Variants in AK5 observed in about 807,000 individuals in gnomAD.
AK5 encodes the protein adenylate kinase isoenzyme 5.
Under a neutral mutation model 69.5 loss-of-function variants are expected in AK5, and 27 were observed. That is an observed-to-expected ratio of 0.39 (90% CI 0.29 to 0.54). The LOEUF (loss-of-function observed/expected upper bound fraction) is 0.54. Ranked by LOEUF, AK5 falls within the 20% of genes least tolerant of loss-of-function variation. AK5 has a pLI of 0.71. For synonymous variants in AK5, 260 were observed against 244.4 expected, an observed-to-expected ratio of 1.06 and a Z score of -0.60; for missense variants, 531 against 700.4, an observed-to-expected ratio of 0.76 and a Z score of 2.73.
At chr1:77,504,590 GAAATACAA>G (rs1656924514) in intron 10 of AK5, among the ~76,000 whole-genome samples, 1 of 152,030 alleles carries the variant, frequency 6.6e-6, no homozygotes, top group South Asian at 2.1e-4. Flanking sequence ...TAATTCAACC[GAAATACAA>G]AAACAGAAAA....
intron 8 of AK5, among the ~76,000 whole-genome samples, chr1:77,427,646 A>G (rs1330427855): frequency 6.6e-6 from 1 of 152,180 alleles, no homozygotes; most frequent in Non-Finnish European, 1.5e-5. Context: ...CCAACACTAG[A>G]CAAAGACATT....
intron 8 of AK5, among the ~76,000 whole-genome samples, chr1:77,475,157 GT>G (rs535673093): frequency 3.8e-5 from 3 of 78,992 alleles, no homozygotes; most frequent in Admixed American, 3.9e-4. Context: ...AGGAGTATGT[GT>G]GTGTGCATGT....
intron 8 of AK5, among the ~76,000 whole-genome samples, chr1:77,483,109 A>G (rs1557625823): frequency 6.8e-6 from 1 of 148,018 alleles, no homozygotes; most frequent in Non-Finnish European, 1.5e-5. Context: ...TTTAATTCTG[A>G]GCTCTGTCCC....
At chr1:77,403,678 C>G (rs1247084851) in intron 6 of AK5, among the ~76,000 whole-genome samples, 3 of 152,204 alleles carry the variant, frequency 2.0e-5, no homozygotes, top group Non-Finnish European at 2.9e-5. Flanking sequence ...GTACCAGTAC[C>G]ATGCTGTTTT....
chr1:77,470,862 TATATA>T (rs1654452107), intron 8 of AK5, among the ~76,000 whole-genome samples: 1 of 2,654 alleles, frequency 3.8e-4, no homozygotes, highest in African/African-American at 9.0e-4. Context: ...TATATATATA[TATATA>T]TATATATATT....
intron 6 of AK5, among the ~76,000 whole-genome samples, chr1:77,347,555 A>G (rs1661975809): frequency 6.6e-6 from 1 of 152,214 alleles, no homozygotes; most frequent in African/African-American, 2.4e-5. Context: ...ACTAAATTGA[A>G]AAGTGAATCT....
intron 8 of AK5, among the ~76,000 whole-genome samples, chr1:77,480,799 A>G (rs979948473): frequency 1.2e-4 from 18 of 152,230 alleles, no homozygotes; most frequent in African/African-American, 3.9e-4. Flanking sequence ...CTTAAATCCA[A>G]AATTCCCTGA....
intron 6 of AK5, among the ~76,000 whole-genome samples, chr1:77,374,182 A>G (rs553436654): frequency 6.0e-4 from 92 of 152,272 alleles, no homozygotes; most frequent in African/African-American, 2.2e-3. Flanking sequence ...TAGCCTCTTA[A>G]TTTGCACCAT....
chr1:77,499,004 T>G (rs753217013), intron 10 of AK5, among the ~76,000 whole-genome samples: 1 of 152,224 alleles, frequency 6.6e-6, no homozygotes, highest in Non-Finnish European at 1.5e-5. Flanking sequence ...GCCTATATGC[T>G]GCCATTTCCT....
At chr1:77,474,009 G>A (rs755302881) in intron 8 of AK5, among the ~76,000 whole-genome samples, 1 of 152,142 alleles carries the variant, frequency 6.6e-6, no homozygotes, top group Non-Finnish European at 1.5e-5. Context: ...ACAAGCTCAA[G>A]GCAAAGGGGA....
chr1:77,452,521 T>A (rs899780292), intron 8 of AK5, among the ~76,000 whole-genome samples: 9 of 152,254 alleles, frequency 5.9e-5, no homozygotes, highest in African/African-American at 2.2e-4. Flanking sequence ...ACATGACTCA[T>A]GATGCAGAGT....
rs554094766 is a variant in AK5, at chr1:77,423,861, A to G, written c.1059+6146A>G. ...AAAACACTTTGAAATATGCTAAAGCATTCTGCTCCTTAACAAGGCCTGCCC... is the reference window on the plus strand; with the variant it reads ...AAAACACTTTGAAATATGCTAAAGCGTTCTGCTCCTTAACAAGGCCTGCCC... On this transcript the variant is annotated intron_variant, in intron 8 of 13. Coordinates refer to ENST00000354567, the MANE Select transcript of AK5 (RefSeq NM_174858.3). Among the ~76,000 whole-genome samples, 468 of 152,258 alleles carry G rather than the reference A, an allele frequency of 3.1e-3. 1 individual carries two copies. Among genetic ancestry groups the G allele is most frequent in the Non-Finnish European group, 5.7e-3 (391 of 68,014 alleles).
chr1:77,372,728 CA>C (rs1647142665), intron 6 of AK5, among the ~76,000 whole-genome samples: 1 of 151,814 alleles, frequency 6.6e-6, no homozygotes, highest in Admixed American at 6.6e-5. Context: ...TCACAATTTT[CA>C]AACATTTTGG....
At position 77,542,194 on chromosome 1, in the gene AK5, G is replaced by A. The variant is rs138590967; in HGVS notation, c.1620+6156G>A. On this transcript the variant is annotated intron_variant, in intron 13 of 13. Transcript: ENST00000354567. Reference sequence around the variant, plus strand: ...AAAAATTCGCTAGACGTGGTGGTGCGCATATGTAATCCCAGCTACTGAGGA... The same window carrying A: ...AAAAATTCGCTAGACGTGGTGGTGCACATATGTAATCCCAGCTACTGAGGA... Among the ~76,000 whole-genome samples the A allele has an allele frequency of 1.3e-3, 202 of 152,156 alleles. 1 individual carries two copies. The highest frequency in any genetic ancestry group is 4.7e-3 in the African/African-American group (194 of 41,506).
Position 77,324,343 on chromosome 1 carries a change from G to GTGTT in AK5, c.700-16031_700-16030insTTGT, listed in dbSNP as rs1257041908. 3.9e-4 allele frequency among the ~76,000 whole-genome samples: 59 copies of GTGTT among 151,570 alleles called. 1 individual carries two copies. On this transcript the variant is annotated intron_variant, in intron 5 of 13. Transcript: ENST00000354567. ...CGTGTGTGTGTGTGTGTGTGTGTGT[G>GTGTT]TGTGTGTGTGTCTTACTCATGGCTA...
chr1:77,435,360 A>G (rs1272337567), intron 8 of AK5, among the ~76,000 whole-genome samples: 1 of 152,192 alleles, frequency 6.6e-6, no homozygotes, highest in African/African-American at 2.4e-5. Flanking sequence ...AATAGACTGT[A>G]AAACAGAGGC....
intron 12 of AK5, among the ~76,000 whole-genome samples, chr1:77,524,103 G>A (rs1570308154): frequency 6.6e-6 from 1 of 152,304 alleles, no homozygotes; most frequent in East Asian, 1.9e-4. Context: ...GTTGTAGCAT[G>A]TGTCAGAATT....
chr1:77,525,802 T>C (rs1202911434), intron 12 of AK5, among the ~76,000 whole-genome samples: 1 of 152,176 alleles, frequency 6.6e-6, no homozygotes, highest in African/African-American at 2.4e-5. Context: ...ATTCTATTGG[T>C]CTATATATCT....
chr1:77,338,765 T>C (rs775130302), intron 5 of AK5, among the ~76,000 whole-genome samples: 9 of 152,106 alleles, frequency 5.9e-5, no homozygotes, highest in Non-Finnish European at 1.3e-4. Context: ...CCACATAGAA[T>C]CATGAAAACT....
Sources: allele counts gnomAD v4.1 joint callset (sites outside exome capture counted in the v4.1 genomes callset), GRCh38; gene constraint gnomAD v4.1.1; transcripts MANE v1.5; gene names NCBI Gene and HGNC (gene_info 2026-07-23, HGNC 2026-07-21).